The following TBC1D2B variants were observed in gnomAD, a reference collection of about 807,000 sequenced individuals.
The protein encoded by TBC1D2B is TBC1 domain family, member 2B.
A neutral mutation model predicts 100.8 loss-of-function variants in TBC1D2B; 64 were observed. That is an observed-to-expected ratio of 0.64 (90% CI 0.52 to 0.78). TBC1D2B has a LOEUF of 0.78. Among genes scored for constraint, TBC1D2B ranks in the 30% least tolerant of loss-of-function variants. TBC1D2B has a pLI of 0.00. For missense variants in TBC1D2B, 1,052 were observed against 1,218.4 expected (o/e 0.86, Z 2.03); for synonymous variants, 480 against 479.7 (o/e 1.00, Z -0.01).
chr15:78,004,473 C>G (rs1276176671), intron 10 of TBC1D2B, among the ~76,000 whole-genome samples: 2 of 152,224 alleles, frequency 1.3e-5, no homozygotes, highest in African/African-American at 4.8e-5. Flanking sequence ...CTGCGTCACA[C>G]TGAGGAGTCA....
rs147197207 is a variant in TBC1D2B, at chr15:78,061,569, T to C, written c.361-7382A>G. 9.9e-3 allele frequency among the ~76,000 whole-genome samples: 1,471 copies of C among 148,890 alleles called. 12 individuals carry two copies. The highest frequency in any genetic ancestry group is 0.068 in the Middle Eastern group (19 of 278). ...GGCTGGGTGACAGAGCGAGACCCTG[T>C]CTCCAAAAATATATATATAATTTAT... On this transcript the variant is annotated intron_variant, in intron 1 of 12. Coordinates refer to ENST00000300584, the MANE Select transcript of TBC1D2B (RefSeq NM_144572.2).
chr15:78,011,226 C>G (rs1307732904), intron 9 of TBC1D2B, among the ~76,000 whole-genome samples: 3 of 152,094 alleles, frequency 2.0e-5, no homozygotes, highest in Non-Finnish European at 4.4e-5. Flanking sequence ...TACTGAAAAC[C>G]ATTTGGTTTC....
At chr15:78,076,767 CA>C (rs761317490) in intron 1 of TBC1D2B, among the ~76,000 whole-genome samples, 6 of 152,156 alleles carry the variant, frequency 3.9e-5, no homozygotes, top group Non-Finnish European at 8.8e-5. Flanking sequence ...AATAAATAAA[CA>C]AATAAATAAA....
chr15:78,074,718 T>C (rs2073801070), intron 1 of TBC1D2B, among the ~76,000 whole-genome samples: 1 of 152,314 alleles, frequency 6.6e-6, no homozygotes. Flanking sequence ...TTATGATCTG[T>C]AGTACTGTTT....
chr15:78,066,702 A>C (rs986460406), intron 1 of TBC1D2B, among the ~76,000 whole-genome samples: 5 of 152,266 alleles, frequency 3.3e-5, no homozygotes, highest in Non-Finnish European at 4.4e-5. Flanking sequence ...AGAGCTGTGT[A>C]AACAGTATAA....
chr15:78,038,158 G>A (rs753325823), intron 3 of TBC1D2B, among the ~76,000 whole-genome samples: 74 of 152,192 alleles, frequency 4.9e-4, no homozygotes, highest in Admixed American at 2.9e-3. Flanking sequence ...TCCTCAAGTC[G>A]GTGCTGGACA....
chr15:78,010,258 C>T (rs1023970633), intron 9 of TBC1D2B, among the ~76,000 whole-genome samples: 4 of 152,094 alleles, frequency 2.6e-5, no homozygotes, highest in African/African-American at 4.8e-5. Flanking sequence ...TTGTTCATAA[C>T]GGAAACTGGG....
In TBC1D2B at chr15:77,995,516, TACAC is replaced by T. The variant is rs892748965; in HGVS notation, c.*2640_*2643del. 28 of 152,292 alleles carry T rather than the reference TACAC, an allele frequency of 1.8e-4. No homozygotes were observed. The South Asian group carries it at 2.3e-3, about 12-fold the overall frequency. 9.4% of individuals were successfully genotyped at this position (152,292 alleles called of 1,614,324 possible). ...ACTCGGAGGCTGAGGCTGGCACAGA[TACAC>T]ACAAGGGAGTCACACACATAACATA... On this transcript the variant is annotated 3_prime_UTR_variant, in exon 13 of 13. Coordinates refer to ENST00000300584, the MANE Select transcript of TBC1D2B (RefSeq NM_144572.2).
chr15:78,041,849 G>A (rs138177375), intron 3 of TBC1D2B, among the ~76,000 whole-genome samples: 6 of 152,300 alleles, frequency 3.9e-5, no homozygotes, highest in East Asian at 3.9e-4. Context: ...ACTAACACTC[G>A]CCTAGTACTT....
chr15:78,065,203 T>C (rs1244159331), intron 1 of TBC1D2B, among the ~76,000 whole-genome samples: 18 of 152,236 alleles, frequency 1.2e-4, no homozygotes, highest in Admixed American at 1.0e-3. Context: ...AAGCCATTTC[T>C]TAAACCCATA....
chr15:78,070,580 C>T lies in TBC1D2B; in HGVS notation c.360+6713G>A, dbSNP rs903251763. On this transcript the variant is annotated intron_variant, in intron 1 of 12. Transcript: ENST00000300584. ...CCTTCCTAGAACACAAGTCAGTGAA[C>T]TACAGCCTGCGGTCATTTCCAGTCT... is the stretch of plus-strand genomic sequence containing the variant. Among the ~76,000 whole-genome samples the T allele has an allele frequency of 2.0e-5, 3 of 152,230 alleles. No individual in the cohort carries two copies. In the East Asian group the frequency reaches 5.8e-4, roughly 29 times the overall value.
chr15:77,998,095 G>C lies in TBC1D2B; in HGVS notation c.*65C>G, dbSNP rs1175732372. On this transcript the variant is annotated 3_prime_UTR_variant, in exon 13 of 13. Coordinates refer to ENST00000300584, the MANE Select transcript of TBC1D2B (RefSeq NM_144572.2). Reference sequence around the variant, plus strand: ...ACACACGTTACATTCTGGCTTTTAAGTGCACTTTCACCCTTTGGGCACACT... The same window carrying C: ...ACACACGTTACATTCTGGCTTTTAACTGCACTTTCACCCTTTGGGCACACT... 1.2e-5 allele frequency: 17 copies of C among 1,414,846 alleles called. No homozygotes were observed. Among genetic ancestry groups the C allele is most frequent in the East Asian group, 2.7e-5 (1 of 37,694 alleles). 87.6% of individuals were successfully genotyped at this position (1,414,846 alleles called of 1,614,324 possible).
In TBC1D2B at chr15:78,075,073, TG is replaced by T. The variant is rs1391698990; in HGVS notation, c.360+2219del. ...CAAAGAGGAAACTGGAGCAGGGAAC[TG>T]GTGTAATTTGTCCAATATGTGTGAG... is the stretch of plus-strand genomic sequence containing the variant. On this transcript the variant is annotated intron_variant, in intron 1 of 12. Transcript: ENST00000300584. 4.6e-5 allele frequency among the ~76,000 whole-genome samples: 7 copies of T among 152,306 alleles called. No individual in the cohort carries two copies. In the South Asian group the frequency reaches 1.5e-3, roughly 32 times the overall value.
At chr15:78,038,160 T>A (rs2072993084) in intron 3 of TBC1D2B, among the ~76,000 whole-genome samples, 1 of 152,178 alleles carries the variant, frequency 6.6e-6, no homozygotes, top group African/African-American at 2.4e-5. Flanking sequence ...CTCAAGTCGG[T>A]GCTGGACACC....
At chr15:78,000,903 C>T (rs1043361451) in intron 12 of TBC1D2B, among the ~76,000 whole-genome samples, 1 of 152,256 alleles carries the variant, frequency 6.6e-6, no homozygotes, top group Admixed American at 6.5e-5. Flanking sequence ...CAGGCCACCA[C>T]CTCTCCCCCT....
intron 3 of TBC1D2B, chr15:78,034,850 C>T (rs1596318820): frequency 2.0e-6 from 1 of 488,260 alleles, no homozygotes; most frequent in African/African-American, 2.1e-5. Flanking sequence ...AATTCTAGGA[C>T]TGTGCAACAA....
intron 1 of TBC1D2B, among the ~76,000 whole-genome samples, chr15:78,069,056 C>T (rs1378470196): frequency 6.6e-6 from 1 of 152,068 alleles, no homozygotes. Context: ...GTATTTTGTT[C>T]TGACTGGAGG....
At chr15:78,011,361 C>T (rs2072218707) in intron 9 of TBC1D2B, among the ~76,000 whole-genome samples, 2 of 152,196 alleles carry the variant, frequency 1.3e-5, no homozygotes, top group Non-Finnish European at 1.5e-5. Context: ...CAAAAAAGGC[C>T]TGTGGGCAGC....
chr15:78,046,535 C>A (rs998331701), intron 2 of TBC1D2B, among the ~76,000 whole-genome samples: 5 of 151,778 alleles, frequency 3.3e-5, no homozygotes, highest in African/African-American at 9.7e-5. Context: ...TCAGTGAACA[C>A]GACTCACTGC....
Sources: allele counts gnomAD v4.1 joint callset (sites outside exome capture counted in the v4.1 genomes callset), GRCh38; gene constraint gnomAD v4.1.1; transcripts MANE v1.5; gene names NCBI Gene and HGNC (gene_info 2026-07-23, HGNC 2026-07-21).